The following ZMYM2 variants were observed in gnomAD, a reference collection of about 807,000 sequenced individuals.
ZMYM2 encodes zinc finger MYM-type containing 2, also known as zinc finger MYM-type protein 2.
Under a neutral mutation model 162.8 loss-of-function variants are expected in ZMYM2, and 56 were observed. That is an observed-to-expected ratio of 0.34 (90% CI 0.28 to 0.43). The LOEUF (loss-of-function observed/expected upper bound fraction) is 0.43. ZMYM2 is among the 20% of genes least tolerant of loss of function. The probability of loss-of-function intolerance (pLI) is 1.00; values close to 1 mark genes in which losing one functional copy is unlikely to be tolerated. For missense variants in ZMYM2, 1,275 were observed against 1,621.8 expected (o/e 0.79, Z 3.67); for synonymous variants, 510 against 541.6 (o/e 0.94, Z 0.81).
At chr13:19,991,262 C>T (rs1056782076) in intron 2 of ZMYM2, among the ~76,000 whole-genome samples, 26 of 151,902 alleles carry the variant, frequency 1.7e-4, no homozygotes, top group African/African-American at 4.6e-4. Context: ...TACAGATGTG[C>T]GCCACCATGA....
the ZMYM2 span, among the ~76,000 whole-genome samples, chr13:19,879,705 T>C: frequency 0.1 from 15,179 of 152,268 alleles, 899 homozygotes; most frequent in African/African-American, 0.17. Context: ...TTGAGAGACA[T>C]TGCATAAAAT....
At chr13:19,950,457 A>T in the ZMYM2 span, among the ~76,000 whole-genome samples, 3 of 152,218 alleles carry the variant, frequency 2.0e-5, no homozygotes, top group African/African-American at 7.2e-5. Context: ...ACAGAATGTA[A>T]CCTATTTTTT....
chr13:20,074,726 G>T (rs1034834096), intron 21 of ZMYM2, among the ~76,000 whole-genome samples: 16 of 152,096 alleles, frequency 1.1e-4, no homozygotes, highest in African/African-American at 3.9e-4. Flanking sequence ...TTTTAGTAGA[G>T]ACGAGGTTTC....
chr13:20,064,305 A>G (rs1044293861), intron 18 of ZMYM2, 146 bp from the exon 19 acceptor site: 1 of 469,876 alleles, frequency 2.1e-6, no homozygotes, highest in Non-Finnish European at 3.6e-6. Flanking sequence ...CATGTTAGGT[A>G]CAATGAGTCA....
intron 11 of ZMYM2, among the ~76,000 whole-genome samples, chr13:20,035,461 T>G (rs1358470751): frequency 6.6e-6 from 1 of 152,212 alleles, no homozygotes; most frequent in Non-Finnish European, 1.5e-5. Flanking sequence ...TGACAAATCT[T>G]ACAATGTTTC....
the ZMYM2 span, among the ~76,000 whole-genome samples, chr13:19,878,501 A>G: frequency 7.0e-6 from 1 of 142,922 alleles, no homozygotes; most frequent in African/African-American, 2.6e-5. Flanking sequence ...AGAAATGTCT[A>G]TTCAATTCCT....
intron 12 of ZMYM2, among the ~76,000 whole-genome samples, chr13:20,039,115 G>A (rs760966219): frequency 1.6e-4 from 24 of 152,200 alleles, no homozygotes; most frequent in Admixed American, 3.3e-4. Flanking sequence ...AGTGATTTTT[G>A]TACATTGATT....
chr13:19,894,609 C>T, the ZMYM2 span, among the ~76,000 whole-genome samples: 46 of 151,964 alleles, frequency 3.0e-4, no homozygotes, highest in Admixed American at 3.0e-3. Flanking sequence ...CCTCCCAAAT[C>T]GTTGGACAGG....
chr13:20,051,351 C>T, intron 12 of ZMYM2, 82 bp from the exon 13 acceptor site: 1 of 1,417,680 alleles, frequency 7.1e-7, no homozygotes, highest in Non-Finnish European at 9.6e-7. Context: ...GGTTTTATCA[C>T]ATTTGGCAAT....
chr13:20,009,789 C>G (rs1951027479), intron 6 of ZMYM2, among the ~76,000 whole-genome samples: 1 of 152,064 alleles, frequency 6.6e-6, no homozygotes, highest in South Asian at 2.1e-4. Context: ...ATGTATATGC[C>G]ACATTCTGTT....
chr13:19,937,907 C>A, the ZMYM2 span, among the ~76,000 whole-genome samples: 1 of 151,058 alleles, frequency 6.6e-6, no homozygotes, highest in African/African-American at 2.4e-5. Context: ...TTTGTCCTTG[C>A]GATAGTTTGC....
intron 21 of ZMYM2, among the ~76,000 whole-genome samples, chr13:20,081,171 A>G (rs1050531926): frequency 6.6e-6 from 1 of 151,976 alleles, no homozygotes; most frequent in African/African-American, 2.4e-5. Context: ...TATTTCCACT[A>G]TTGGTTTATT....
chr13:19,993,199 G>C lies in ZMYM2; in HGVS notation c.127G>C (p.Val43Leu). ...ATTTAGTGGTCCAGCTAATCCTTTA[G>C]TGTCTAGATCTAATAAGTTTCAGAA... The part of the protein sequence containing the change: ...NSFSGPANPL[V>L]SRSNKFQNSS... Residue 43 changes from valine to leucine, a missense_variant, in exon 3 of 25, where the codon GTG (valine) becomes CTG (leucine). Physicochemically the swap from Val to Leu is conservative, Grantham distance 32. Around this residue, in one of 10 missense-constraint regions of ZMYM2, gnomAD observed 295 missense variants for 286.7 expected, o/e 1.03. Transcript: ENST00000610343. 1 of 1,614,042 alleles carries C rather than the reference G, an allele frequency of 6.2e-7. No homozygotes were observed. The highest frequency in any genetic ancestry group is 1.1e-5 in the South Asian group (1 of 91,082).
At chr13:19,892,283 A>G in the ZMYM2 span, among the ~76,000 whole-genome samples, 1 of 149,944 alleles carries the variant, frequency 6.7e-6, no homozygotes, top group Non-Finnish European at 1.5e-5. Flanking sequence ...TTATTTATTT[A>G]TTTTTTGAGA....
At chr13:19,893,608 C>T in the ZMYM2 span, among the ~76,000 whole-genome samples, 5 of 151,568 alleles carry the variant, frequency 3.3e-5, no homozygotes, top group East Asian at 1.9e-4. Flanking sequence ...GGCGTGGTGG[C>T]GGGTGCCTGT....
intron 15 of ZMYM2, chr13:20,058,965 G>A: frequency 1.9e-6 from 1 of 536,876 alleles, no homozygotes; most frequent in Non-Finnish European, 3.4e-6. Context: ...ATTTCCTTGG[G>A]GATAAGACTA....
At chr13:19,976,375 G>A (rs112514537) in intron 2 of ZMYM2, among the ~76,000 whole-genome samples, 13 of 150,906 alleles carry the variant, frequency 8.6e-5, no homozygotes, top group African/African-American at 2.9e-4. Context: ...CAATCCTAGT[G>A]CGTGTGAAAT....
chr13:19,960,438 A>C (rs1378475031), intron 2 of ZMYM2, among the ~76,000 whole-genome samples: 1 of 152,252 alleles, frequency 6.6e-6, no homozygotes, highest in African/African-American at 2.4e-5. Flanking sequence ...GATTGAAGGA[A>C]TTGGAAACAT....
chr13:19,970,568 G>A (rs111362377), intron 2 of ZMYM2, among the ~76,000 whole-genome samples: 4,238 of 140,186 alleles, frequency 0.03, 86 homozygotes, highest in Middle Eastern at 0.048. Context: ...AGAATTCAGT[G>A]TGGGTCAGGG....
Sources: allele counts gnomAD v4.1 joint callset (sites outside exome capture counted in the v4.1 genomes callset), GRCh38; gene constraint gnomAD v4.1.1; regional missense constraint gnomAD v4.1.1; transcripts MANE v1.5; gene names NCBI Gene and HGNC (gene_info 2026-07-23, HGNC 2026-07-21).